Variants in ST6GAL1 observed in about 807,000 individuals in gnomAD.
The protein encoded by ST6GAL1 is beta-galactoside alpha-2,6-sialyltransferase 1.
Under a neutral mutation model 38.0 loss-of-function variants are expected in ST6GAL1, and 20 were observed. The observed-to-expected ratio is 0.53, with a 90% CI of 0.37 to 0.77. The LOEUF (loss-of-function observed/expected upper bound fraction) is 0.77. Ranked by LOEUF, ST6GAL1 falls within the 30% of genes least tolerant of loss-of-function variation. The pLI is 0.00. For synonymous variants in ST6GAL1, 196 were observed against 188.2 expected (o/e 1.04, Z -0.34); for missense variants, 432 against 496.4 (o/e 0.87, Z 1.23).
At chr3:187,002,442 G>C (rs913566317) in intron 2 of ST6GAL1, among the ~76,000 whole-genome samples, 1 of 152,236 alleles carries the variant, frequency 6.6e-6, no homozygotes, top group Non-Finnish European at 1.5e-5. Context: ...TCCCTGGTCT[G>C]TCCAACTTTC....
At chr3:187,073,514 G>A (rs1441489498) in intron 6 of ST6GAL1, 2 of 159,702 alleles carry the variant, frequency 1.3e-5, no homozygotes, top group Non-Finnish European at 2.7e-5. Flanking sequence ...GGAGACATGA[G>A]TGGCAGGCCT....
At chr3:187,031,359 C>T (rs1351224264) in intron 2 of ST6GAL1, among the ~76,000 whole-genome samples, 1 of 152,130 alleles carries the variant, frequency 6.6e-6, no homozygotes. Flanking sequence ...GTCTCAGTTT[C>T]CCTGTTTGTA....
In ST6GAL1 at chr3:187,069,987, C is replaced by T. The variant is rs148224839; in HGVS notation, c.706-2862C>T. Among the ~76,000 whole-genome samples the T allele has an allele frequency of 2.4e-4, 37 of 152,258 alleles. No homozygotes were observed. In the East Asian group the frequency reaches 7.1e-3, roughly 29 times the overall value. ...AGTTCTTTCTACTTTGTGGGTTTGC[C>T]GTTCTCAGCATATGACTTCCACTTT... On this transcript the variant is annotated intron_variant, in intron 5 of 7. Coordinates refer to ENST00000169298, the MANE Select transcript of ST6GAL1 (RefSeq NM_173216.2).
At chr3:186,977,065 G>A (rs1351700726) in intron 2 of ST6GAL1, among the ~76,000 whole-genome samples, 1 of 152,184 alleles carries the variant, frequency 6.6e-6, no homozygotes. Flanking sequence ...GGGTATAGCA[G>A]CTGCTGTGTT....
chr3:187,066,024 C>T (rs1362995511), intron 5 of ST6GAL1, among the ~76,000 whole-genome samples: 3 of 152,116 alleles, frequency 2.0e-5, no homozygotes, highest in African/African-American at 7.2e-5. Flanking sequence ...TTTCTGGAAG[C>T]TCCAACTTTT....
rs370273351 is a variant in ST6GAL1, at chr3:187,057,296, C to T, written c.705+5950C>T. ...TTTGTTATTACTGACCTTCTGAAGC[C>T]TACTTCTGTCAGCTCGTGAAAGTCA... On this transcript the variant is annotated intron_variant, in intron 5 of 7. Transcript: ENST00000169298. Among the ~76,000 whole-genome samples, 12 of 152,312 alleles carry T rather than the reference C, an allele frequency of 7.9e-5. No homozygotes were observed. In the South Asian group the frequency reaches 2.5e-3, roughly 32 times the overall value.
chr3:186,958,914 C>T (rs1714835806), intron 1 of ST6GAL1, among the ~76,000 whole-genome samples: 1 of 147,654 alleles, frequency 6.8e-6, no homozygotes, highest in Admixed American at 6.8e-5. Flanking sequence ...GATTGTGCCA[C>T]TGCACTCCAG....
intron 2 of ST6GAL1, among the ~76,000 whole-genome samples, chr3:187,036,086 G>A (rs996032432): frequency 1.3e-5 from 2 of 152,178 alleles, no homozygotes; most frequent in Non-Finnish European, 2.9e-5. Context: ...ACATTAAAAT[G>A]TGAGCAAAAG....
chr3:187,072,745 G>A (rs766684289), intron 5 of ST6GAL1, 104 bp from the exon 6 acceptor site: 1 of 970,766 alleles, frequency 1.0e-6, no homozygotes, highest in Non-Finnish European at 1.7e-6. Context: ...GCCTCATGGG[G>A]CTCTGGGGCC....
chr3:187,012,384 A>T (rs990328307), intron 2 of ST6GAL1, among the ~76,000 whole-genome samples: 2 of 151,974 alleles, frequency 1.3e-5, no homozygotes, highest in African/African-American at 4.8e-5. Context: ...CAGCCTCCTG[A>T]GTAGCTGGGA....
intron 3 of ST6GAL1, among the ~76,000 whole-genome samples, chr3:187,039,090 A>G (rs748304826): frequency 4.9e-4 from 74 of 152,192 alleles, no homozygotes; most frequent in Admixed American, 1.3e-4. Context: ...TCTATTAACT[A>G]TATAAGATTT....
At chr3:186,973,920 C>T (rs1199818265) in intron 2 of ST6GAL1, among the ~76,000 whole-genome samples, 15 of 152,144 alleles carry the variant, frequency 9.9e-5, no homozygotes, top group Admixed American at 3.9e-4. Flanking sequence ...TGAGCCATGG[C>T]GCTTGACCTC....
At chr3:186,985,422 A>AT (rs11457838) in intron 2 of ST6GAL1, among the ~76,000 whole-genome samples, 107,273 of 150,492 alleles carry the variant, frequency 0.71, 38,500 homozygotes, top group South Asian at 0.85. Flanking sequence ...TGTTTAATAC[A>AT]TTTTTTTTTA....
chr3:187,018,623 A>C (rs1295490162), intron 2 of ST6GAL1, among the ~76,000 whole-genome samples: 1 of 152,210 alleles, frequency 6.6e-6, no homozygotes, highest in Non-Finnish European at 1.5e-5. Flanking sequence ...TATTCTGGCT[A>C]CAATGGCAGC....
intron 5 of ST6GAL1, among the ~76,000 whole-genome samples, chr3:187,071,684 C>G (rs1719378993): frequency 6.7e-6 from 1 of 148,952 alleles, no homozygotes; most frequent in Non-Finnish European, 1.5e-5. Flanking sequence ...GGCGTGAACC[C>G]GGGAGGCGGA....
chr3:186,974,028 G>T (rs1433674176), intron 2 of ST6GAL1, among the ~76,000 whole-genome samples: 1 of 152,112 alleles, frequency 6.6e-6, no homozygotes, highest in Non-Finnish European at 1.5e-5. Context: ...TGTGGAGGAA[G>T]CTCTGTGGTG....
At chr3:187,028,350 T>G (rs1176226713) in intron 2 of ST6GAL1, among the ~76,000 whole-genome samples, 1 of 152,146 alleles carries the variant, frequency 6.6e-6, no homozygotes, top group African/African-American at 2.4e-5. Context: ...TTCTTCAAGC[T>G]CTTTAAAACT....
rs558893836 is a variant in ST6GAL1 at position 187,067,890 on chromosome 3, T to C, written c.706-4959T>C. ...AAATGATGGGTCTGAATTTAATACC[T>C]TGAGTATCATCCAGCTGTGACATAC... On this transcript the variant is annotated intron_variant, in intron 5 of 7. Transcript: ENST00000169298. 2.6e-5 allele frequency among the ~76,000 whole-genome samples: 4 copies of C among 152,272 alleles called. No individual in the cohort carries two copies. In the South Asian group the frequency reaches 8.3e-4, roughly 32 times the overall value.
chr3:187,061,594 G>A (rs1718916900), intron 5 of ST6GAL1, among the ~76,000 whole-genome samples: 1 of 152,146 alleles, frequency 6.6e-6, no homozygotes, highest in Non-Finnish European at 1.5e-5. Context: ...TTTTTGATGA[G>A]TGTGTCAGGA....
Sources: gnomAD v4.1 joint callset for allele counts (sites outside exome capture counted in the v4.1 genomes callset) on GRCh38, gnomAD v4.1.1 for gene constraint, MANE v1.5 for transcripts, NCBI Gene and HGNC (gene_info 2026-07-23, HGNC 2026-07-21) for gene names.